Variants in PSMA1 observed in about 807,000 individuals in gnomAD.
PSMA1 encodes proteasome 20S subunit alpha 1.
Under a neutral mutation model 38.4 loss-of-function variants are expected in PSMA1, and 3 were observed. That is an observed-to-expected ratio of 0.08 (90% CI 0.04 to 0.20). The LOEUF (loss-of-function observed/expected upper bound fraction) is 0.20, where lower values mean the gene tolerates loss of function less well. Among genes scored for constraint, PSMA1 ranks in the 10% least tolerant of loss-of-function variants. The pLI, the probability that PSMA1 is intolerant of heterozygous loss-of-function variation, is 1.00. For synonymous variants in PSMA1, 101 were observed against 107.1 expected (o/e 0.94, Z 0.35); for missense variants, 227 against 325.3 (o/e 0.70, Z 2.32).
chr11:14,520,421 T>C, upstream of PSMA1: 1 of 1,609,766 alleles, frequency 6.2e-7, no homozygotes, highest in South Asian at 1.1e-5. Flanking sequence ...CGGCGCAGGG[T>C]AGCGCAGTCT....
chr11:14,629,861 T>C (rs1370439672), intron 1 of PSMA1, among the ~76,000 whole-genome samples: 4 of 152,182 alleles, frequency 2.6e-5, no homozygotes, highest in East Asian at 1.9e-4. Context: ...TGGTTTGTAG[T>C]TCTTCTTGAA....
At position 14,532,384 on chromosome 11, in the gene PSMA1, C is replaced by G. The variant is rs1001554951; in HGVS notation, c.22-13343G>C. 2.0e-5 allele frequency among the ~76,000 whole-genome samples: 3 copies of G among 151,930 alleles called. No homozygotes were observed. In the East Asian group the frequency reaches 5.8e-4, roughly 29 times the overall value. ...CTTTGGGAGGCCAAGGCGGGCAGATCTCCTGAGATCAGGAGTTCGAGATCA... is the reference window on the plus strand; with the variant it reads ...CTTTGGGAGGCCAAGGCGGGCAGATGTCCTGAGATCAGGAGTTCGAGATCA... On this transcript the variant is annotated intron_variant, in intron 2 of 10. Coordinates refer to the PSMA1 transcript ENST00000418988.
At chr11:14,615,519 G>C (rs1409946199) in intron 1 of PSMA1, among the ~76,000 whole-genome samples, 1 of 152,204 alleles carries the variant, frequency 6.6e-6, no homozygotes, top group Non-Finnish European at 1.5e-5. Context: ...CAGAGTTCCT[G>C]TGAGGTAGCT....
intron 1 of PSMA1, among the ~76,000 whole-genome samples, chr11:14,631,139 G>A (rs1432237274): frequency 6.6e-6 from 1 of 151,708 alleles, no homozygotes; most frequent in African/African-American, 2.4e-5. Flanking sequence ...TTAATTTTTT[G>A]AAGGGTTTTT....
At chr11:14,509,724 T>C (rs1387056913) in intron 8 of PSMA1, among the ~76,000 whole-genome samples, 1 of 146,494 alleles carries the variant, frequency 6.8e-6, no homozygotes, top group African/African-American at 2.5e-5. Flanking sequence ...TTTTTTTTTT[T>C]TTTTTTTTGA....
At chr11:14,577,169 C>G (rs969672220) in intron 2 of PSMA1, among the ~76,000 whole-genome samples, 2 of 152,130 alleles carry the variant, frequency 1.3e-5, no homozygotes, top group Non-Finnish European at 2.9e-5. Context: ...AGTCACTGTT[C>G]TAAGAAATCA....
intron 2 of PSMA1, among the ~76,000 whole-genome samples, chr11:14,554,755 G>A (rs961736219): frequency 6.6e-6 from 1 of 151,958 alleles, no homozygotes; most frequent in Non-Finnish European, 1.5e-5. Context: ...TTTTTAAACG[G>A]ATTTTTTTAG....
chr11:14,565,899 G>A (rs562685813), intron 2 of PSMA1, among the ~76,000 whole-genome samples: 1 of 152,314 alleles, frequency 6.6e-6, no homozygotes, highest in Non-Finnish European at 1.5e-5. Flanking sequence ...AAATAAATTA[G>A]TCAGGCAAGC....
chr11:14,565,862 G>A (rs1354837981), intron 2 of PSMA1, among the ~76,000 whole-genome samples: 3 of 152,204 alleles, frequency 2.0e-5, no homozygotes, highest in South Asian at 4.1e-4. Context: ...TTACTGTACG[G>A]CATTTATCCA....
intron 2 of PSMA1, among the ~76,000 whole-genome samples, chr11:14,557,825 TAAACG>T (rs1277002940): frequency 6.6e-6 from 1 of 152,188 alleles, no homozygotes; most frequent in East Asian, 1.9e-4. Flanking sequence ...TCTGGGGATC[TAAACG>T]GTCATTATAA....
chr11:14,608,713 TA>T (rs1448867269), intron 2 of PSMA1, among the ~76,000 whole-genome samples: 1 of 147,714 alleles, frequency 6.8e-6, no homozygotes, highest in East Asian at 1.9e-4. Flanking sequence ...TTAAAATATA[TA>T]ATTATATATA....
At chr11:14,641,894 A>G (rs138943133) in intron 1 of PSMA1, among the ~76,000 whole-genome samples, 7 of 152,330 alleles carry the variant, frequency 4.6e-5, no homozygotes, top group Non-Finnish European at 1.0e-4. Flanking sequence ...ACTAGAAAGG[A>G]TTTCAAAGGT....
intron 2 of PSMA1, among the ~76,000 whole-genome samples, chr11:14,603,991 G>T (rs1852614534): frequency 6.6e-6 from 1 of 152,162 alleles, no homozygotes; most frequent in Non-Finnish European, 1.5e-5. Context: ...GTCTTCTGTT[G>T]GATCCCTACA....
At chr11:14,633,042 A>G (rs1846116549) in intron 1 of PSMA1, among the ~76,000 whole-genome samples, 2 of 150,194 alleles carry the variant, frequency 1.3e-5, no homozygotes, top group Non-Finnish European at 3.0e-5. Context: ...ATTCTTCTAA[A>G]TTTTTTTCAA....
At chr11:14,544,161 C>T (rs998454810) in intron 2 of PSMA1, among the ~76,000 whole-genome samples, 2 of 152,174 alleles carry the variant, frequency 1.3e-5, no homozygotes, top group Non-Finnish European at 2.9e-5. Flanking sequence ...TCCTGAGTAG[C>T]TGGGACCACA....
intron 2 of PSMA1, among the ~76,000 whole-genome samples, chr11:14,572,925 T>A (rs1002402315): frequency 1.3e-5 from 2 of 152,088 alleles, no homozygotes; most frequent in African/African-American, 4.8e-5. Context: ...AAGAAATGGA[T>A]AAAATCCTGG....
At chr11:14,570,491 C>G (rs1309249596) in intron 2 of PSMA1, among the ~76,000 whole-genome samples, 1 of 152,086 alleles carries the variant, frequency 6.6e-6, no homozygotes, top group Admixed American at 6.5e-5. Context: ...AAATGGCCAA[C>G]TAGAATAAAC....
At chr11:14,521,027 C>G (rs189261193), upstream of PSMA1, among the ~76,000 whole-genome samples, 1 of 146,666 alleles carries the variant, frequency 6.8e-6, no homozygotes, top group East Asian at 2.0e-4. Context: ...TTTCTATGCC[C>G]CCAAAACCAA....
intron 2 of PSMA1, among the ~76,000 whole-genome samples, chr11:14,572,472 C>A (rs1220288447): frequency 1.3e-5 from 2 of 152,160 alleles, no homozygotes; most frequent in Non-Finnish European, 2.9e-5. Flanking sequence ...ACAGTGAGAA[C>A]AGAGACACAA....
Sources: gnomAD v4.1 joint callset for allele counts (sites outside exome capture counted in the v4.1 genomes callset) on GRCh38, gnomAD v4.1.1 for gene constraint, MANE v1.5 for transcripts, NCBI Gene and HGNC (gene_info 2026-07-23, HGNC 2026-07-21) for gene names.